Variants in CA14 observed in about 807,000 individuals in gnomAD.
CA14 encodes carbonic anhydrase 14, also known as CA-XIV.
A neutral mutation model predicts 48.8 loss-of-function variants in CA14; 44 were observed. The ratio of observed to expected loss-of-function variants is 0.90; its 90% confidence interval spans 0.71 to 1.16. The LOEUF is 1.16. Among genes scored for constraint, CA14 ranks in the 50% most tolerant of loss-of-function variants. CA14 has a pLI of 0.00. For synonymous variants in CA14, 154 were observed against 155.0 expected (o/e 0.99, Z 0.05); for missense variants, 386 against 401.0 (o/e 0.96, Z 0.32).
Position 150,263,350 on chromosome 1 carries a change from C to T in CA14, c.772C>T (p.Leu258Phe), listed in dbSNP as rs782430716. The part of the protein sequence containing the change: ...LFSTEEEPSK[L>F]LVQNYRALQP... Reference sequence around the variant, plus strand: ...CTCCACAGAAGAGGAGCCCTCTAAGCTTCTGGTACAGAACTACCGAGCCCT... The same window carrying T: ...CTCCACAGAAGAGGAGCCCTCTAAGTTTCTGGTACAGAACTACCGAGCCCT... The change falls in exon 8 of 11, where the codon CTT (leucine) becomes TTT (phenylalanine). Residue 258 changes from leucine to phenylalanine, a missense_variant. Leu to Phe is a conservative substitution (Grantham distance 22). Coordinates refer to ENST00000369111, the MANE Select transcript of CA14 (RefSeq NM_012113.3). 6 of 1,614,090 alleles carry T rather than the reference C, an allele frequency of 3.7e-6. No individual in the cohort carries two copies. The highest frequency in any genetic ancestry group is 5.1e-6 in the Non-Finnish European group (6 of 1,180,040).
chr1:150,261,498 A>T lies in CA14; in HGVS notation c.116A>T (p.Glu39Val), dbSNP rs1553847786. 1 of 1,614,190 alleles carries T rather than the reference A, an allele frequency of 6.2e-7. No homozygotes were observed. Among genetic ancestry groups the T allele is most frequent in the Non-Finnish European group, 8.5e-7 (1 of 1,180,030 alleles). The change falls in exon 3 of 11, where the codon GAG becomes GTG. Residue 39 changes from glutamate to valine, a missense_variant. Physicochemically the swap from Glu to Val is moderately radical, Grantham distance 121. Transcript: ENST00000369111. Reference protein sequence around the residue: ...GQDHWPASYPECGNNAQSPID... With the variant: ...GQDHWPASYPVCGNNAQSPID... ...GACCATTGGCCAGCCTCTTACCCTG[A>T]GTGTGGAAACAATGCCCAGTCGCCC...
At position 150,263,915 on chromosome 1, in the gene CA14, C is replaced by CTTTT. The variant is rs34291619; in HGVS notation, c.947+51_947+54dup. On this transcript the variant is annotated intron_variant, in intron 10 of 10. Coordinates refer to ENST00000369111, the MANE Select transcript of CA14 (RefSeq NM_012113.3). ...CTTTCCATTCCTCCAGTCCCTTCTT[C>CTTTT]TTTTTTTTTTTTTTTTTGGTAGGTG... is the stretch of plus-strand genomic sequence containing the variant. 5.8e-4 allele frequency: 502 copies of CTTTT among 859,532 alleles called. 1 individual carries two copies. The highest frequency in any genetic ancestry group is 1.6e-3 in the Admixed American group (57 of 36,410). The allele number at this position is 859,532 out of a possible 1,614,324, so 53.2% of individuals were successfully genotyped here. A position where few individuals can be genotyped will look rare whatever the true frequency, so the allele number is the denominator to read the frequency against.
chr1:150,264,418 G>T (rs1043414358), intron 10 of CA14, among the ~76,000 whole-genome samples, 175 bp from the exon 11 acceptor site: 2 of 151,730 alleles, frequency 1.3e-5, no homozygotes, highest in East Asian at 3.9e-4. Flanking sequence ...GCCCAGGCTG[G>T]TCTCCAACTC....
In CA14 at chr1:150,263,133, T is replaced by G. The variant is rs150554080; in HGVS notation, c.654T>G (p.Thr218=). 151 of 1,613,736 alleles carry G rather than the reference T, an allele frequency of 9.4e-5. No individual in the cohort carries two copies. Among genetic ancestry groups the G allele is most frequent in the Non-Finnish European group, 1.2e-4 (147 of 1,179,926 alleles). The change falls in exon 7 of 11, where the codon ACT becomes ACG. Residue 218 remains threonine (T), a synonymous_variant. Coordinates refer to ENST00000369111, the MANE Select transcript of CA14 (RefSeq NM_012113.3). ...TCCGCTACAATGGCTCGCTCACAAC[T>G]CCCCCTTGCTACCAGAGTGTGCTCT... The part of the protein sequence containing the change: ...QYFRYNGSLT[T]PPCYQSVLWT...
In CA14 at chr1:150,262,885, T is replaced by C. The variant is rs1553848213; in HGVS notation, c.562+15T>C. ...CAGGCATAAAGGTGAGCCTTAAAAA[T>C]CTATAGCAGGAAGTAAGATTAGACT... On this transcript the variant is annotated intron_variant, in intron 6 of 10. Coordinates refer to ENST00000369111, the MANE Select transcript of CA14 (RefSeq NM_012113.3). 3 of 1,604,882 alleles carry C rather than the reference T, an allele frequency of 1.9e-6. No homozygotes were observed. The South Asian group carries it at 3.3e-5, about 18-fold the overall frequency.
rs782303556 is a variant in CA14 at position 150,263,350 on chromosome 1, CT to C, written c.774del (p.Leu259TrpfsTer33). 2.5e-6 allele frequency: 4 copies of C among 1,614,208 alleles called. No homozygotes were observed. Among genetic ancestry groups the C allele is most frequent in the Non-Finnish European group, 3.4e-6 (4 of 1,180,032 alleles). On this transcript the variant is annotated frameshift_variant, in exon 8 of 11. Transcript: ENST00000369111. LOFTEE classifies it high-confidence loss of function. ...LFSTEEEPSK[L>X]LVQNYRALQP... ...CTCCACAGAAGAGGAGCCCTCTAAGCTTCTGGTACAGAACTACCGAGCCCTT... is the reference window on the plus strand; with the variant it reads ...CTCCACAGAAGAGGAGCCCTCTAAGCTCTGGTACAGAACTACCGAGCCCTT...
chr1:150,260,496 A>C, intron 2 of CA14: 1 of 444,362 alleles, frequency 2.3e-6, no homozygotes, highest in East Asian at 4.8e-5. Context: ...GTCTATCCTA[A>C]TCCATCCTAC....
In CA14 at chr1:150,264,758, G is replaced by A. The variant is rs1651515052; in HGVS notation, c.*99G>A. 1 of 821,220 alleles carries A rather than the reference G, an allele frequency of 1.2e-6. No individual in the cohort carries two copies. The highest frequency in any genetic ancestry group is 1.9e-6 in the Non-Finnish European group (1 of 514,676). The allele number at this position is 821,220 out of a possible 1,614,324, so 50.9% of individuals were successfully genotyped here. ...GGATCTGGCCAGAAACACTGTAGGA[G>A]TAGTAAGCAGATGTCCTCCTTCCCC... is the stretch of plus-strand genomic sequence containing the variant. On this transcript the variant is annotated 3_prime_UTR_variant, in exon 11 of 11. Coordinates refer to ENST00000369111, the MANE Select transcript of CA14 (RefSeq NM_012113.3).
intron 1 of CA14, 47 bp from the exon 2 acceptor site, chr1:150,260,104 C>T: frequency 6.2e-7 from 1 of 1,605,878 alleles, no homozygotes; most frequent in South Asian, 1.1e-5. Flanking sequence ...GGCCAGGGTT[C>T]TGCCCCAGGC....
chr1:150,260,354 A>C, intron 2 of CA14, 183 bp downstream of exon 2: 1 of 706,116 alleles, frequency 1.4e-6, no homozygotes, highest in Non-Finnish European at 2.6e-6. Context: ...CTAATCATCA[A>C]ATCCTACACC....
rs1651031989 is a variant in CA14 at position 150,261,538 on chromosome 1, A to G, written c.156A>G (p.Thr52=). The change falls in exon 3 of 11, where the codon ACA becomes ACG. Residue 52 remains threonine, a synonymous_variant. Coordinates refer to ENST00000369111, the MANE Select transcript of CA14 (RefSeq NM_012113.3). ...NNAQSPIDIQ[T]DSVTFDPDLP... ...CCCAGTCGCCCATCGATATTCAGAC[A>G]GACAGTGTGACATTTGACCCTGATT... 1.2e-6 allele frequency: 2 copies of G among 1,614,046 alleles called. No homozygotes were observed. The highest frequency in any genetic ancestry group is 2.7e-5 in the African/African-American group (2 of 74,916).
chr1:150,258,226 T>TG, intron 1 of CA14, 43 bp downstream of exon 1: 6 of 1,548,132 alleles, frequency 3.9e-6, no homozygotes, highest in Non-Finnish European at 5.3e-6. Context: ...GTGCTGATGT[T>TG]CACATGTCGC....
rs1651209990 is a variant in CA14, at chr1:150,263,037, C to T, written c.563-5C>T. The T allele has an allele frequency of 6.2e-7, 1 of 1,613,756 alleles. No individual in the cohort carries two copies. Reference sequence around the variant, plus strand: ...GGAAGATGAGTCCCAGTCTGTTCTCCCCAGATCAGAAGACCTCAGTGCCTC... The same window carrying T: ...GGAAGATGAGTCCCAGTCTGTTCTCTCCAGATCAGAAGACCTCAGTGCCTC... On this transcript the variant is annotated splice_polypyrimidine_tract_variant and splice_region_variant and intron_variant, in intron 6 of 10. Coordinates refer to ENST00000369111, the MANE Select transcript of CA14 (RefSeq NM_012113.3).
chr1:150,258,029 TCTCTCTCTCTCTCTCTCACTCCTCCCTCC>T lies in CA14; in HGVS notation c.-89_-61del. The T allele has an allele frequency of 3.4e-6, 1 of 293,258 alleles. No individual in the cohort carries two copies. The highest frequency in any genetic ancestry group is 5.7e-6 in the Non-Finnish European group (1 of 176,424). The allele number at this position is 293,258 out of a possible 1,614,324, so 18.2% of individuals were successfully genotyped here. A position where few individuals can be genotyped will look rare whatever the true frequency, so the allele number is the denominator to read the frequency against. ...ACACTCACGCCAGGAGCTCGCTCGC[TCTCTCTCTCTCTCTCTCACTCCTCCCTCC>T]CTCTCTCTCTGCCTGTCCTAGTCCT... On this transcript the variant is annotated 5_prime_UTR_variant, in exon 1 of 11. Transcript: ENST00000369111.
At chr1:150,259,778 C>T (rs587612896) in intron 1 of CA14, among the ~76,000 whole-genome samples, 1 of 152,204 alleles carries the variant, frequency 6.6e-6, no homozygotes, top group Non-Finnish European at 1.5e-5. Context: ...CTGCCCACAC[C>T]CTCACCCCAC....
At chr1:150,260,070 A>G (rs1184872086) in intron 1 of CA14, 81 bp from the exon 2 acceptor site, 4 of 1,364,744 alleles carry the variant, frequency 2.9e-6, no homozygotes, top group Non-Finnish European at 4.2e-6. Flanking sequence ...GCAGTACAGA[A>G]TGCCAGAGGG....
In CA14 at chr1:150,258,183, G is replaced by T. The variant is rs140320147; in HGVS notation, c.55G>T (p.Gly19Cys). 1.3e-3 allele frequency: 2,027 copies of T among 1,610,642 alleles called. 3 individuals carry two copies. Among genetic ancestry groups the T allele is most frequent in the Non-Finnish European group, 1.6e-3 (1,861 of 1,177,672 alleles). Residue 19 changes from glycine to cysteine, a missense_variant and splice_region_variant, in exon 1 of 11, where the codon GGT (glycine) becomes TGT (cysteine). By Grantham distance (159) the Gly-to-Cys change is radical (BLOSUM62 -3). Coordinates refer to ENST00000369111, the MANE Select transcript of CA14 (RefSeq NM_012113.3). ...EVIWILAADG[G>C]QHWTYEGPHG... ...GATTTGGATCCTGGCTGCAGATGGG[G>T]GTAGGTACAACTAAATGTCTGTGTG...
intron 1 of CA14, among the ~76,000 whole-genome samples, chr1:150,258,459 T>C (rs1292986079): frequency 1.3e-5 from 2 of 151,820 alleles, no homozygotes; most frequent in Non-Finnish European, 2.9e-5. Context: ...AGGCTACAGA[T>C]TTTCTCCAGA....
intron 1 of CA14, 140 bp downstream of exon 1, chr1:150,258,323 G>A: frequency 1.7e-6 from 1 of 574,828 alleles, no homozygotes; most frequent in Non-Finnish European, 3.0e-6. Context: ...AAAAGAGTGG[G>A]GTGTGGAGGA....
Sources: gnomAD v4.1 joint callset for allele counts (sites outside exome capture counted in the v4.1 genomes callset) on GRCh38, gnomAD v4.1.1 for gene constraint, MANE v1.5 for transcripts, NCBI Gene and HGNC (gene_info 2026-07-23, HGNC 2026-07-21) for gene names.